Variants in IRS1 observed in about 807,000 individuals in gnomAD.
IRS1 encodes the protein insulin receptor substrate 1.
In IRS1, 34 loss-of-function variants were observed where a neutral mutation model predicts 65.6. The observed-to-expected ratio is 0.52, with a 90% CI of 0.39 to 0.69. The LOEUF is 0.69. IRS1 is among the 30% of genes least tolerant of loss of function. The pLI, the probability that IRS1 is intolerant of heterozygous loss-of-function variation, is 0.00. For missense variants in IRS1, 1,641 were observed against 1,720.2 expected, an observed-to-expected ratio of 0.95 and a Z score of 0.81; for synonymous variants, 699 against 683.5, an observed-to-expected ratio of 1.02 and a Z score of -0.35.
chr2:226,758,719 T>C (rs914042562), intron 1 of IRS1, among the ~76,000 whole-genome samples: 1 of 151,622 alleles, frequency 6.6e-6, no homozygotes, highest in Non-Finnish European at 1.5e-5. Flanking sequence ...AAATGAAACA[T>C]AAAAGGCATC....
rs766290273 is a variant in IRS1 at position 226,797,707 on chromosome 2, G to A, written c.1032C>T (p.Gly344=). Reference sequence around the variant, plus strand: ...TGTTGGTGCTGGGACTCACAGGGCTGCCGTCCACCGAGGCTGGGCGGGACA... The same window carrying A: ...TGTTGGTGCTGGGACTCACAGGGCTACCGTCCACCGAGGCTGGGCGGGACA... ...GTMSRPASVD[G]SPVSPSTNRT... is the part of the protein sequence containing the mutation. Residue 344 remains glycine (G), a synonymous_variant, in exon 1 of 2, where the codon GGC becomes GGT. Coordinates refer to ENST00000305123, the MANE Select transcript of IRS1 (RefSeq NM_005544.3). The surrounding 1 kb of genome is among the most constrained non-coding windows in gnomAD (Gnocchi z 8.1). The A allele has an allele frequency of 3.8e-6, 6 of 1,597,856 alleles. No individual in the cohort carries two copies. The highest frequency in any genetic ancestry group is 4.2e-6 in the Non-Finnish European group (5 of 1,178,898).
chr2:226,766,161 ATATTTT>A (rs1297577111), intron 1 of IRS1, among the ~76,000 whole-genome samples: 7 of 5,456 alleles, frequency 1.3e-3, no homozygotes, highest in South Asian at 7.8e-3. Context: ...ATATATATAT[ATATTTT>A]TTTTTTTTTT....
chr2:226,772,616 A>C (rs1939185517), intron 1 of IRS1, among the ~76,000 whole-genome samples: 1 of 151,664 alleles, frequency 6.6e-6, no homozygotes, highest in Non-Finnish European at 1.5e-5. Context: ...AAATGACAGG[A>C]CCTTATCAAG....
intron 1 of IRS1, among the ~76,000 whole-genome samples, chr2:226,742,726 A>AAAAAAAAAAAAAAAAAAAAAAAG (rs1431863272): frequency 6.8e-6 from 1 of 147,788 alleles, no homozygotes; most frequent in Non-Finnish European, 1.5e-5. Flanking sequence ...AAAAAAAAAA[A>AAAAAAAAAAAAAAAAAAAAAAAG]AGAAGACCGA....
Position 226,799,163 on chromosome 2 carries a change from C to T in IRS1, c.-425G>A. 1 of 1,109,688 alleles carries T rather than the reference C, an allele frequency of 9.0e-7. No homozygotes were observed. Among genetic ancestry groups the T allele is most frequent in the Non-Finnish European group, 1.1e-6 (1 of 896,552 alleles). 68.7% of individuals were successfully genotyped at this position (1,109,688 alleles called of 1,614,324 possible). A position where few individuals can be genotyped will look rare whatever the true frequency, so the allele number is the denominator to read the frequency against. ...GAGCGCGCGCGCGCGCGCGCCTTCC[C>T]TCCTGAGTTCCCCTCTGGAAGCAGC... On this transcript the variant is annotated 5_prime_UTR_variant, in exon 1 of 2. Coordinates refer to ENST00000305123, the MANE Select transcript of IRS1 (RefSeq NM_005544.3). The surrounding 1 kb of genome is among the most constrained non-coding windows in gnomAD (Gnocchi z 6.1).
chr2:226,751,996 G>A (rs1487163065), intron 1 of IRS1, among the ~76,000 whole-genome samples: 1 of 152,144 alleles, frequency 6.6e-6, no homozygotes, highest in Non-Finnish European at 1.5e-5. Flanking sequence ...GAGTAGAACT[G>A]ATATAACAGG....
At chr2:226,743,939 TA>T (rs1439119855) in intron 1 of IRS1, among the ~76,000 whole-genome samples, 14 of 152,350 alleles carry the variant, frequency 9.2e-5, no homozygotes, top group African/African-American at 2.4e-4. Context: ...CTTTTTTTGT[TA>T]AAAACTAATA....
chr2:226,771,427 T>C (rs185703642), intron 1 of IRS1, among the ~76,000 whole-genome samples: 1 of 152,016 alleles, frequency 6.6e-6, no homozygotes, highest in East Asian at 1.9e-4. Flanking sequence ...AAGGAGTAGG[T>C]TGGAGGAAGG....
Position 226,766,142 on chromosome 2 carries a change from TATATATA to T in IRS1, c.*21+28840_*21+28846del, listed in dbSNP as rs1559151958. Among the ~76,000 whole-genome samples, 8 of 4,280 alleles carry T rather than the reference TATATATA, an allele frequency of 1.9e-3. 1 individual carries two copies. Among genetic ancestry groups the T allele is most frequent in the South Asian group, 7.7e-3 (1 of 130 alleles). The allele number at this position is 4,280 out of a possible 152,430, so 2.8% of individuals were successfully genotyped here. A position where few individuals can be genotyped will look rare whatever the true frequency, so the allele number is the denominator to read the frequency against. ...AATCTTATATATATATATATATATA[TATATATA>T]TATATATATATATATTTTTTTTTTT... On this transcript the variant is annotated intron_variant, in intron 1 of 1. Transcript: ENST00000305123.
intron 1 of IRS1, among the ~76,000 whole-genome samples, chr2:226,769,048 C>A (rs984336698): frequency 2.0e-5 from 3 of 152,098 alleles, no homozygotes; most frequent in African/African-American, 7.2e-5. Context: ...AACTCATGTT[C>A]AATATGTTTT....
chr2:226,784,124 C>G (rs56396363), intron 1 of IRS1, among the ~76,000 whole-genome samples: 5,787 of 152,144 alleles, frequency 0.038, 143 homozygotes, highest in African/African-American at 0.07. Context: ...TACCAACACA[C>G]AGAATTGTGA....
rs770026829 is a variant in IRS1 at position 226,796,536 on chromosome 2, T to C, written c.2203A>G (p.Met735Val). 2.5e-6 allele frequency: 4 copies of C among 1,614,032 alleles called. No individual in the cohort carries two copies. The highest frequency in any genetic ancestry group is 3.4e-6 in the Non-Finnish European group (4 of 1,180,014). Residue 735 changes from methionine (M) to valine (V), a missense_variant, in exon 1 of 2, where the codon ATG becomes GTG. Met to Val is a conservative substitution (Grantham distance 21, BLOSUM62 1). Transcript: ENST00000305123. ...GTGTTGGAGTCCCCCACTGGTGACATGTTCATGTAGTCACCTGTGCAAGGT... is the reference window on the plus strand; with the variant it reads ...GTGTTGGAGTCCCCCACTGGTGACACGTTCATGTAGTCACCTGTGCAAGGT... ...LLPCTGDYMN[M>V]SPVGDSNTSS...
At position 226,798,989 on chromosome 2, in the gene IRS1, G is replaced by T; in HGVS notation, c.-251C>A. On this transcript the variant is annotated 5_prime_UTR_variant, in exon 1 of 2. Transcript: ENST00000305123. This position sits in a 1 kb window ranked among gnomAD's most constrained non-coding sequence, Gnocchi z 9.4. ...CGCCCGGCGGGGAGGCAGTGCGTCC[G>T]GGGTGAGGGCAGCCCCGATCCTCCG... 1 of 1,437,514 alleles carries T rather than the reference G, an allele frequency of 7.0e-7. No individual in the cohort carries two copies. 89.0% of individuals were successfully genotyped at this position (1,437,514 alleles called of 1,614,324 possible).
At chr2:226,765,493 G>A (rs1375741861) in intron 1 of IRS1, among the ~76,000 whole-genome samples, 1 of 152,132 alleles carries the variant, frequency 6.6e-6, no homozygotes, top group Non-Finnish European at 1.5e-5. Context: ...GTGGGGAATC[G>A]CCAACTTATC....
At chr2:226,762,380 G>A (rs887036450) in intron 1 of IRS1, among the ~76,000 whole-genome samples, 345 of 149,872 alleles carry the variant, frequency 2.3e-3, no homozygotes, top group Middle Eastern at 0.01. Flanking sequence ...AAAAGAGAGA[G>A]AGCAAATCTT....
intron 1 of IRS1, among the ~76,000 whole-genome samples, chr2:226,760,358 C>T (rs762418433): frequency 7.9e-5 from 12 of 152,012 alleles, no homozygotes; most frequent in Non-Finnish European, 1.0e-4. Context: ...TGACAAAAGC[C>T]GGCATCAAGA....
intron 1 of IRS1, among the ~76,000 whole-genome samples, chr2:226,773,456 C>A (rs1237560033): frequency 6.6e-6 from 1 of 151,726 alleles, no homozygotes; most frequent in Non-Finnish European, 1.5e-5. Flanking sequence ...TAAAAGAAGC[C>A]TCACTGTAAT....
In IRS1 at chr2:226,797,226, C is replaced by A; in HGVS notation, c.1513G>T (p.Ala505Ser). The change falls in exon 1 of 2, where the codon GCC becomes TCC. Residue 505 changes from alanine to serine, a missense_variant. Around this residue, in one of 3 missense-constraint regions of IRS1, gnomAD observed 1,324 missense variants for 1,361.0 expected, o/e 0.97. Transcript: ENST00000305123. This position sits in a 1 kb window ranked among gnomAD's most constrained non-coding sequence, Gnocchi z 8.1. ...CTGGCTGCTTCATCCCCAGCCAAGG[C>A]TGGACTCGTGCCCAAGCCTGTTCCT... ...TPGTGLGTSP[A>S]LAGDEAASAA... 1.2e-6 allele frequency: 2 copies of A among 1,613,602 alleles called. No individual in the cohort carries two copies. The highest frequency in any genetic ancestry group is 1.7e-6 in the Non-Finnish European group (2 of 1,179,988).
intron 1 of IRS1, among the ~76,000 whole-genome samples, chr2:226,757,115 T>A (rs10498211): frequency 0.064 from 9,804 of 152,250 alleles, 508 homozygotes; most frequent in African/African-American, 0.14. Context: ...CAGATATACT[T>A]GACTGTTTAT....
Sources: allele counts gnomAD v4.1 joint callset (sites outside exome capture counted in the v4.1 genomes callset), GRCh38; gene constraint gnomAD v4.1.1; regional missense constraint gnomAD v4.1.1; non-coding constraint Gnocchi (gnomAD v3.1); transcripts MANE v1.5; gene names NCBI Gene and HGNC (gene_info 2026-07-23, HGNC 2026-07-21).